The following DYNLT5 variants were observed in gnomAD, a reference collection of about 807,000 sequenced individuals.
DYNLT5 encodes the protein dynein light chain Tctex-type 5.
DYNLT5 carries 25 observed loss-of-function variants against 19.3 expected under a neutral mutation model. That is an observed-to-expected ratio of 1.30 (90% CI 0.95 to 1.81). The LOEUF is 1.81. Ranked by LOEUF, DYNLT5 falls within the 40% of genes most tolerant of loss-of-function variation. DYNLT5 has a pLI of 0.00. For missense variants in DYNLT5, 232 were observed against 217.9 expected (o/e 1.06, Z -0.41); for synonymous variants, 82 against 68.9 (o/e 1.19, Z -0.94).
At chr1:66,762,007 G>A (rs990235918) in intron 2 of DYNLT5, among the ~76,000 whole-genome samples, 4 of 152,126 alleles carry the variant, frequency 2.6e-5, no homozygotes, top group African/African-American at 9.7e-5. Context: ...CATTTCAACA[G>A]TGTTCACAGC....
intron 2 of DYNLT5, among the ~76,000 whole-genome samples, chr1:66,762,390 C>T (rs10437080): frequency 0.26 from 40,232 of 152,014 alleles, 5,624 homozygotes; most frequent in Non-Finnish European, 0.3. Flanking sequence ...AACACTAGAA[C>T]TTATTTCTCC....
intron 2 of DYNLT5, among the ~76,000 whole-genome samples, chr1:66,758,898 T>C (rs777414147): frequency 2.0e-5 from 3 of 152,194 alleles, no homozygotes; most frequent in Non-Finnish European, 4.4e-5. Flanking sequence ...TTCTTCATTT[T>C]GATACCTGAA....
chr1:66,777,657 C>G lies in DYNLT5; in HGVS notation c.*203C>G. 1 of 430,182 alleles carries G rather than the reference C, an allele frequency of 2.3e-6. No individual in the cohort carries two copies. The highest frequency in any genetic ancestry group is 4.1e-6 in the Non-Finnish European group (1 of 242,646). 26.6% of individuals were successfully genotyped at this position (430,182 alleles called of 1,614,324 possible). A position where few individuals can be genotyped will look rare whatever the true frequency, so the allele number is the denominator to read the frequency against. On this transcript the variant is annotated 3_prime_UTR_variant, in exon 5 of 5. Transcript: ENST00000282670. ...CAGAAAGAATCTTGTTTATCTAAAG[C>G]AGGAACTTGATCTTGGTTTTGCTGG...
Position 66,777,302 on chromosome 1 carries a change from G to T in DYNLT5, c.388G>T (p.Val130Leu). 1 of 1,613,838 alleles carries T rather than the reference G, an allele frequency of 6.2e-7. No homozygotes were observed. Among genetic ancestry groups the T allele is most frequent in the Non-Finnish European group, 8.5e-7 (1 of 1,179,864 alleles). ...DLMIPRYKLI[V>L]IVHIGQLNRQ... ...GATGATTCCACGGTATAAACTAATT[G>T]TGATTGTTCACATTGGACAACTGAA... is the stretch of plus-strand genomic sequence containing the variant. The change falls in exon 5 of 5, where the codon GTG becomes TTG. Residue 130 changes from valine (V) to leucine (L), a missense_variant. Transcript: ENST00000282670.
chr1:66,769,006 T>C (rs1645186144), intron 2 of DYNLT5, among the ~76,000 whole-genome samples: 1 of 152,212 alleles, frequency 6.6e-6, no homozygotes, highest in African/African-American at 2.4e-5. Context: ...GGAAATGTTT[T>C]ACAAAGTTAA....
chr1:66,776,559 G>GT lies in DYNLT5; in HGVS notation c.336+156_336+157insT, dbSNP rs1491421735. On this transcript the variant is annotated intron_variant, in intron 4 of 4. Coordinates refer to ENST00000282670, the MANE Select transcript of DYNLT5 (RefSeq NM_152665.3). ...ATATTCTACATATATGTGTGTGTGT[G>GT]GGTGTGTGTGTGTGTGTGTATATAC... Among the ~76,000 whole-genome samples, 586 of 109,666 alleles carry GT rather than the reference G, an allele frequency of 5.3e-3. 3 individuals are homozygous for GT. The highest frequency in any genetic ancestry group is 0.015 in the African/African-American group (495 of 32,968). 71.9% of individuals were successfully genotyped at this position (109,666 alleles called of 152,430 possible).
intron 3 of DYNLT5, among the ~76,000 whole-genome samples, chr1:66,774,374 G>T (rs536954924): frequency 6.7e-6 from 1 of 149,738 alleles, no homozygotes; most frequent in Non-Finnish European, 1.5e-5. Context: ...GCTTGGGTTC[G>T]CAGGAGATGA....
intron 3 of DYNLT5, 83 bp downstream of exon 3, chr1:66,770,561 C>T (rs1417061635): frequency 2.9e-6 from 3 of 1,039,238 alleles, no homozygotes; most frequent in East Asian, 2.4e-5. Flanking sequence ...GATAACCTGG[C>T]ATTGTCTTCA....
At chr1:66,757,664 C>T (rs1470120618) in intron 2 of DYNLT5, among the ~76,000 whole-genome samples, 1 of 151,908 alleles carries the variant, frequency 6.6e-6, no homozygotes, top group African/African-American at 2.4e-5. Context: ...TTTATAGGGC[C>T]CTTGCGATGA....
intron 1 of DYNLT5, among the ~76,000 whole-genome samples, chr1:66,753,722 G>A (rs1026006330): frequency 1.3e-5 from 2 of 152,190 alleles, no homozygotes; most frequent in Non-Finnish European, 2.9e-5. Flanking sequence ...GCCAAGGCAG[G>A]AGGATCACTT....
intron 1 of DYNLT5, among the ~76,000 whole-genome samples, chr1:66,753,307 G>A (rs1031879759): frequency 2.6e-5 from 4 of 152,174 alleles, no homozygotes; most frequent in Non-Finnish European, 5.9e-5. Context: ...ATGCTTTGGT[G>A]TCTAGCACAG....
chr1:66,753,853 G>A (rs6663604), intron 1 of DYNLT5, among the ~76,000 whole-genome samples: 41,136 of 152,012 alleles, frequency 0.27, 5,685 homozygotes, highest in South Asian at 0.31. Context: ...GGGAGGCTGA[G>A]GTGGGTGGAC....
chr1:66,775,756 T>A (rs1450133463), intron 3 of DYNLT5, among the ~76,000 whole-genome samples: 1 of 152,158 alleles, frequency 6.6e-6, no homozygotes, highest in Non-Finnish European at 1.5e-5. Context: ...GGGAAAGATA[T>A]TCCATTTGAA....
Position 66,777,492 on chromosome 1 carries a change from C to T in DYNLT5, c.*38C>T. On this transcript the variant is annotated 3_prime_UTR_variant, in exon 5 of 5. Coordinates refer to ENST00000282670, the MANE Select transcript of DYNLT5 (RefSeq NM_152665.3). The stretch of plus-strand genomic sequence containing the variant: ...AATCTAGCTCTTACTTTTGAAAATT[C>T]TGAGGCAGGCTGTATGTCTGTACAC... The T allele has an allele frequency of 6.3e-7, 1 of 1,588,126 alleles. No individual in the cohort carries two copies. Among genetic ancestry groups the T allele is most frequent in the Middle Eastern group, 1.7e-4 (1 of 5,944 alleles).
chr1:66,755,493 A>G (rs554015578), intron 2 of DYNLT5, among the ~76,000 whole-genome samples: 2 of 152,318 alleles, frequency 1.3e-5, no homozygotes, highest in South Asian at 4.1e-4. Context: ...CAGTCAATTA[A>G]TAATAGACTT....
intron 2 of DYNLT5, among the ~76,000 whole-genome samples, chr1:66,757,914 G>A (rs548821564): frequency 1.6e-3 from 245 of 152,228 alleles, no homozygotes; most frequent in Non-Finnish European, 3.1e-3. Context: ...GGCCACTTTC[G>A]CACTGTAACA....
intron 1 of DYNLT5, among the ~76,000 whole-genome samples, chr1:66,753,171 G>T (rs2094630295): frequency 6.6e-6 from 1 of 152,082 alleles, no homozygotes; most frequent in African/African-American, 2.4e-5. Context: ...ACACCACGCT[G>T]CCTGCCTCAC....
intron 2 of DYNLT5, among the ~76,000 whole-genome samples, chr1:66,760,249 A>T (rs191341584): frequency 1.3e-5 from 2 of 152,146 alleles, no homozygotes; most frequent in African/African-American, 2.4e-5. Flanking sequence ...TTGCCTTACT[A>T]AAGTAACAGT....
rs140874019 is a variant in DYNLT5, at chr1:66,771,207, T to C, written c.211+729T>C. On this transcript the variant is annotated intron_variant, in intron 3 of 4. Transcript: ENST00000282670. ...ACCATCAGCCTGTCCCCTCTGGCCT[T>C]GTAGCCAGTTTTCTACAGGAGTCCC... is the stretch of plus-strand genomic sequence containing the variant. Among the ~76,000 whole-genome samples the C allele has an allele frequency of 5.4e-4, 82 of 152,330 alleles. 1 individual carries two copies. The East Asian group carries it at 9.3e-3, about 17-fold the overall frequency.
Sources: gnomAD v4.1 joint callset for allele counts (sites outside exome capture counted in the v4.1 genomes callset) on GRCh38, gnomAD v4.1.1 for gene constraint, MANE v1.5 for transcripts, NCBI Gene and HGNC (gene_info 2026-07-23, HGNC 2026-07-21) for gene names.